PPP1R13B: variants seen among roughly 807,000 people sequenced by gnomAD.
PPP1R13B encodes protein phosphatase 1 regulatory subunit 13B, also known as apoptosis-stimulating of p53 protein 1.
PPP1R13B carries 44 observed loss-of-function variants against 119.8 expected under a neutral mutation model. The observed-to-expected ratio is 0.37, with a 90% CI of 0.29 to 0.47. The LOEUF (loss-of-function observed/expected upper bound fraction) is 0.47. Among genes scored for constraint, PPP1R13B ranks in the 20% least tolerant of loss-of-function variants. The probability of loss-of-function intolerance (pLI) is 0.99; values close to 1 mark genes in which losing one functional copy is unlikely to be tolerated. For missense variants in PPP1R13B, 1,227 were observed against 1,413.5 expected, an observed-to-expected ratio of 0.87 and a Z score of 2.12; for synonymous variants, 542 against 561.5, an observed-to-expected ratio of 0.97 and a Z score of 0.49.
chr14:103,795,285 A>G (rs978492324), intron 2 of PPP1R13B, among the ~76,000 whole-genome samples: 5 of 152,156 alleles, frequency 3.3e-5, no homozygotes, highest in African/African-American at 7.2e-5. Flanking sequence ...GCACAGGGAC[A>G]CTAACACCCT....
intron 4 of PPP1R13B, among the ~76,000 whole-genome samples, chr14:103,775,377 C>A (rs774356038): frequency 6.6e-6 from 1 of 151,814 alleles, no homozygotes; most frequent in Non-Finnish European, 1.5e-5. Context: ...TGGGTTCAGG[C>A]GATTCTCCTG....
intron 2 of PPP1R13B, among the ~76,000 whole-genome samples, chr14:103,789,974 G>A (rs578166732): frequency 1.5e-4 from 23 of 152,168 alleles, no homozygotes; most frequent in African/African-American, 5.3e-4. Flanking sequence ...GGCCGGGCCC[G>A]GTGGCTCACG....
intron 1 of PPP1R13B, among the ~76,000 whole-genome samples, chr14:103,812,169 G>A (rs2086175347): frequency 6.9e-6 from 1 of 145,450 alleles, no homozygotes; most frequent in South Asian, 2.2e-4. Context: ...TGTCACCCAG[G>A]CTGGAATGCA....
chr14:103,746,259 C>G, intron 9 of PPP1R13B, 114 bp downstream of exon 9: 1 of 1,080,102 alleles, frequency 9.3e-7, no homozygotes, highest in South Asian at 1.8e-5. Flanking sequence ...AGCCTGGAGT[C>G]TGACGATGTG....
rs2084033044 is a variant in PPP1R13B at position 103,734,319 on chromosome 14, C to G, written c.*835G>C. On this transcript the variant is annotated 3_prime_UTR_variant, in exon 17 of 17. Transcript: ENST00000202556. ...CCTGGTCTGCCCTCACACCAGTCCACCCCCAGCCCCAACCCCAACCACCCT... is the reference window on the plus strand; with the variant it reads ...CCTGGTCTGCCCTCACACCAGTCCAGCCCCAGCCCCAACCCCAACCACCCT... 2.7e-6 allele frequency: 1 copy of G among 363,840 alleles called. No individual in the cohort carries two copies. The highest frequency in any genetic ancestry group is 5.5e-6 in the Non-Finnish European group (1 of 182,326). The allele number at this position is 363,840 out of a possible 1,614,324, so 22.5% of individuals were successfully genotyped here.
chr14:103,833,350 A>G (rs531598293), intron 1 of PPP1R13B, among the ~76,000 whole-genome samples: 3 of 152,160 alleles, frequency 2.0e-5, no homozygotes, highest in South Asian at 2.1e-4. Flanking sequence ...CTGCATGTCA[A>G]TCTTTCTACC....
At chr14:103,807,801 G>A (rs1440902977) in intron 1 of PPP1R13B, among the ~76,000 whole-genome samples, 1 of 152,020 alleles carries the variant, frequency 6.6e-6, no homozygotes, top group Non-Finnish European at 1.5e-5. Context: ...GCCACGAAAT[G>A]TCTTTTTATA....
chr14:103,799,038 C>T (rs776599457), intron 1 of PPP1R13B, among the ~76,000 whole-genome samples: 9 of 151,966 alleles, frequency 5.9e-5, no homozygotes, highest in Non-Finnish European at 1.3e-4. Context: ...CCCACTCTGT[C>T]GCCCAGGCTG....
intron 9 of PPP1R13B, among the ~76,000 whole-genome samples, chr14:103,745,868 T>C (rs2084373641): frequency 6.6e-6 from 1 of 152,212 alleles, no homozygotes; most frequent in Non-Finnish European, 1.5e-5. Flanking sequence ...TGAAGCACAG[T>C]GGCACGATCT....
upstream of PPP1R13B, chr14:103,847,592 G>A (rs905682333): frequency 3.8e-5 from 37 of 979,510 alleles, no homozygotes; most frequent in Non-Finnish European, 2.7e-5. Flanking sequence ...CGCCCGCCCG[G>A]CTCGCTCTTC....
intron 1 of PPP1R13B, chr14:103,846,829 C>T (rs946917188): frequency 1.7e-5 from 8 of 468,390 alleles, no homozygotes; most frequent in Non-Finnish European, 2.9e-5. Context: ...CAAATCCGTG[C>T]ACTCGGCACC....
In PPP1R13B at chr14:103,776,688, C is replaced by T. The variant is rs536516251; in HGVS notation, c.354+2057G>A. 7.2e-5 allele frequency among the ~76,000 whole-genome samples: 11 copies of T among 152,150 alleles called. No individual in the cohort carries two copies. The South Asian group carries it at 8.3e-4, about 11-fold the overall frequency. On this transcript the variant is annotated intron_variant, in intron 4 of 16. Coordinates refer to ENST00000202556, the MANE Select transcript of PPP1R13B (RefSeq NM_015316.3). ...GAGATTGAGACCATCTTGGCTAACA[C>T]GGTGAAACCCCATCTCTATTAAAAA... is the stretch of plus-strand genomic sequence containing the variant.
chr14:103,847,002 G>A (rs1034403152), intron 1 of PPP1R13B: 46 of 1,179,610 alleles, frequency 3.9e-5, no homozygotes, highest in African/African-American at 3.7e-4. Flanking sequence ...GCGTCCGACC[G>A]CGCACCTGAG....
At chr14:103,824,475 C>T (rs892527146) in intron 1 of PPP1R13B, among the ~76,000 whole-genome samples, 2 of 151,350 alleles carry the variant, frequency 1.3e-5, no homozygotes, top group African/African-American at 4.8e-5. Flanking sequence ...GTGGGCGGAT[C>T]ACGAGGTCAG....
At chr14:103,836,861 G>A (rs1246958252) in intron 1 of PPP1R13B, among the ~76,000 whole-genome samples, 1 of 151,738 alleles carries the variant, frequency 6.6e-6, no homozygotes, top group Non-Finnish European at 1.5e-5. Context: ...TGGACTTGCT[G>A]ATAACCACTA....
At chr14:103,827,950 A>G (rs1313315727) in intron 1 of PPP1R13B, among the ~76,000 whole-genome samples, 2 of 152,190 alleles carry the variant, frequency 1.3e-5, no homozygotes, top group South Asian at 2.1e-4. Context: ...CAATTGGACC[A>G]TAAGGTATTC....
At chr14:103,775,529 C>T (rs1365296641) in intron 4 of PPP1R13B, among the ~76,000 whole-genome samples, 1 of 152,210 alleles carries the variant, frequency 6.6e-6, no homozygotes, top group African/African-American at 2.4e-5. Context: ...CCTACCTTGG[C>T]CTCCCAAAGT....
intron 1 of PPP1R13B, among the ~76,000 whole-genome samples, chr14:103,799,595 G>T (rs576634245): frequency 1.3e-5 from 2 of 150,300 alleles, no homozygotes; most frequent in African/African-American, 4.9e-5. Flanking sequence ...TTATAGGCGT[G>T]AGCCACTGTG....
intron 1 of PPP1R13B, among the ~76,000 whole-genome samples, chr14:103,815,642 C>T (rs2086259913): frequency 6.6e-6 from 1 of 152,064 alleles, no homozygotes; most frequent in African/African-American, 2.4e-5. Context: ...GTAATCCCAG[C>T]TACTCAGGAG....
Sources: gnomAD v4.1 joint callset for allele counts (sites outside exome capture counted in the v4.1 genomes callset) on GRCh38, gnomAD v4.1.1 for gene constraint, MANE v1.5 for transcripts, NCBI Gene and HGNC (gene_info 2026-07-23, HGNC 2026-07-21) for gene names.